The following NDUFAF6 variants were observed in gnomAD, a reference collection of about 807,000 sequenced individuals.
The protein encoded by NDUFAF6 is NADH:ubiquinone oxidoreductase complex assembly factor 6.
In NDUFAF6, 45 loss-of-function variants were observed where a neutral mutation model predicts 40.8. The ratio of observed to expected loss-of-function variants is 1.10; its 90% confidence interval spans 0.87 to 1.42. NDUFAF6 has a LOEUF of 1.42. NDUFAF6 is among the 40% of genes most tolerant of loss of function. The pLI, the probability that NDUFAF6 is intolerant of heterozygous loss-of-function variation, is 0.00. For missense variants in NDUFAF6, 435 were observed against 418.5 expected, an observed-to-expected ratio of 1.04 and a Z score of -0.34; for synonymous variants, 185 against 155.9, an observed-to-expected ratio of 1.19 and a Z score of -1.39.
At chr8:95,105,012 T>C (rs7000568), downstream of NDUFAF6, among the ~76,000 whole-genome samples, 124,501 of 149,084 alleles carry the variant, frequency 0.84, 52,269 homozygotes, top group East Asian at 1. Flanking sequence ...GTAACAGAAG[T>C]GCACAGAGAA....
intron 2 of NDUFAF6, among the ~76,000 whole-genome samples, chr8:94,951,953 A>T (rs1822660357): frequency 6.6e-6 from 1 of 152,268 alleles, no homozygotes; most frequent in African/African-American, 2.4e-5. Context: ...ACAAAGACCC[A>T]GCCAGGTTCC....
At chr8:95,011,989 A>C (rs1827246010) in intron 2 of NDUFAF6, among the ~76,000 whole-genome samples, 1 of 152,184 alleles carries the variant, frequency 6.6e-6, no homozygotes, top group Admixed American at 6.5e-5. Context: ...ATAGGTTCCT[A>C]AATGTGGAAT....
At chr8:95,066,613 T>C (rs1243768541) in intron 9 of NDUFAF6, among the ~76,000 whole-genome samples, 1 of 152,136 alleles carries the variant, frequency 6.6e-6, no homozygotes, top group Non-Finnish European at 1.5e-5. Context: ...AGTTCTCTCT[T>C]TCACTGTGTT....
At chr8:95,017,528 G>A (rs10098453) in intron 2 of NDUFAF6, among the ~76,000 whole-genome samples, 21,858 of 152,138 alleles carry the variant, frequency 0.14, 1,600 homozygotes, top group Middle Eastern at 0.25. Flanking sequence ...ATCTGACCTA[G>A]AGAGGCAAAT....
upstream of NDUFAF6, among the ~76,000 whole-genome samples, chr8:95,095,663 C>T (rs944986964): frequency 1.1e-4 from 13 of 113,772 alleles, no homozygotes; most frequent in African/African-American, 2.9e-4. Flanking sequence ...AAGATCATTT[C>T]GCTTTTTTTT....
intron 9 of NDUFAF6, among the ~76,000 whole-genome samples, chr8:95,069,518 G>A (rs1010233467): frequency 6.6e-6 from 1 of 151,350 alleles, no homozygotes; most frequent in Non-Finnish European, 1.5e-5. Flanking sequence ...GGTGGCTCAC[G>A]CCTGTAATCA....
At chr8:94,961,658 T>C (rs4735338) in intron 1 of NDUFAF6, among the ~76,000 whole-genome samples, 76,950 of 151,942 alleles carry the variant, frequency 0.51, 19,898 homozygotes, top group East Asian at 0.72. Context: ...CTTCTGACCT[T>C]GTGATCCACC....
At chr8:95,008,972 G>C (rs1586957338) in intron 2 of NDUFAF6, among the ~76,000 whole-genome samples, 1 of 152,154 alleles carries the variant, frequency 6.6e-6, no homozygotes, top group Admixed American at 6.5e-5. Flanking sequence ...TGAAGTGGGA[G>C]GATCAGTTGA....
upstream of NDUFAF6, chr8:94,957,847 G>A (rs556797359): frequency 6.6e-6 from 1 of 152,368 alleles, no homozygotes; most frequent in East Asian, 1.9e-4. Context: ...GAAGGTTGCT[G>A]CTAGGTGGAG....
At chr8:94,996,059 C>CTT (rs1447364574) in intron 2 of NDUFAF6, among the ~76,000 whole-genome samples, 7 of 152,270 alleles carry the variant, frequency 4.6e-5, no homozygotes, top group Non-Finnish European at 8.8e-5. Context: ...AGGCGTGAGC[C>CTT]ACTGCACCCG....
intron 1 of NDUFAF6, among the ~76,000 whole-genome samples, chr8:94,910,387 G>C (rs7016078): frequency 1.3e-5 from 2 of 151,968 alleles, no homozygotes; most frequent in African/African-American, 4.8e-5. Context: ...TCCTGACCTC[G>C]GGTGAACCAC....
At chr8:95,047,210 A>G (rs1488002660) in intron 6 of NDUFAF6, 83 bp downstream of exon 6, 3 of 1,571,360 alleles carry the variant, frequency 1.9e-6, no homozygotes, top group Non-Finnish European at 2.6e-6. Flanking sequence ...TGCTTAGTCT[A>G]TTCAAGTAAT....
intron 1 of NDUFAF6, among the ~76,000 whole-genome samples, chr8:94,973,769 C>T: frequency 6.6e-6 from 1 of 151,098 alleles, no homozygotes; most frequent in South Asian, 2.1e-4. Flanking sequence ...CCTGCAAACC[C>T]AGTGCTTTGG....
intron 7 of NDUFAF6, 127 bp from the exon 8 acceptor site, chr8:95,052,044 CAGG>C: frequency 6.1e-6 from 5 of 821,160 alleles, no homozygotes; most frequent in South Asian, 1.4e-5. Context: ...TCTTAATCTG[CAGG>C]AGATGAGCTG....
At chr8:95,013,507 A>G (rs10097930) in intron 2 of NDUFAF6, among the ~76,000 whole-genome samples, 21,843 of 152,214 alleles carry the variant, frequency 0.14, 1,596 homozygotes, top group Middle Eastern at 0.25. Flanking sequence ...TTGATTATGC[A>G]AAAAGAAGTT....
At chr8:94,985,519 T>A (rs7386702) in intron 2 of NDUFAF6, among the ~76,000 whole-genome samples, 196 of 21,462 alleles carry the variant, frequency 9.1e-3, no homozygotes, top group Non-Finnish European at 0.014. Context: ...ATATATATTT[T>A]TTTTTTTTTT....
At chr8:94,967,898 G>A (rs1824141144) in intron 1 of NDUFAF6, among the ~76,000 whole-genome samples, 1 of 150,768 alleles carries the variant, frequency 6.6e-6, no homozygotes, top group South Asian at 2.1e-4. Context: ...CCAAGACTGC[G>A]CCATTGTACA....
In NDUFAF6 at chr8:95,045,644, T is replaced by C. The variant is rs1830661374; in HGVS notation, c.577T>C (p.Leu193=). The change falls in exon 5 of 9, where the codon TTG becomes CTG. Residue 193 remains leucine (L), a synonymous_variant. Transcript: ENST00000396124. The stretch of plus-strand genomic sequence containing the variant: ...TCTTCTTTACTTAACACTAGAAATA[T>C]TGGGTAAGTTGTTTTTCTGTTTCAT... ...SSLLYLTLEI[L]GIKDLHADHA... is the part of the protein sequence containing the mutation. 3 of 1,607,824 alleles carry C rather than the reference T, an allele frequency of 1.9e-6. No homozygotes were observed. The highest frequency in any genetic ancestry group is 2.6e-6 in the Non-Finnish European group (3 of 1,174,798).
chr8:94,952,934 G>GCTGGATTGTAACTAATGAT (rs1822748170), intron 2 of NDUFAF6, among the ~76,000 whole-genome samples: 1 of 152,210 alleles, frequency 6.6e-6, no homozygotes. Flanking sequence ...GATAGCCTGC[G>GCTGGATTGTAACTAATGAT]CTGGATTGTA....
Sources: allele counts gnomAD v4.1 joint callset (sites outside exome capture counted in the v4.1 genomes callset), GRCh38; gene constraint gnomAD v4.1.1; transcripts MANE v1.5; gene names NCBI Gene and HGNC (gene_info 2026-07-23, HGNC 2026-07-21).